Variants in CAPS2 observed in about 807,000 individuals in gnomAD.
The protein encoded by CAPS2 is calcyphosine 2.
In CAPS2, 98 loss-of-function variants were observed where a neutral mutation model predicts 86.5. The observed-to-expected ratio is 1.13, with a 90% CI of 0.96 to 1.34. The LOEUF (loss-of-function observed/expected upper bound fraction) is 1.34, where lower values mean the gene tolerates loss of function less well. Ranked by LOEUF, CAPS2 falls within the 40% of genes most tolerant of loss-of-function variation. CAPS2 has a pLI of 0.00. For synonymous variants in CAPS2, 210 were observed against 225.1 expected (o/e 0.93, Z 0.60); for missense variants, 729 against 686.8 (o/e 1.06, Z -0.69).
intron 1 of CAPS2, among the ~76,000 whole-genome samples, chr12:75,357,470 T>C (rs1274316032): frequency 6.6e-6 from 1 of 151,948 alleles, no homozygotes; most frequent in Non-Finnish European, 1.5e-5. Context: ...AGATAGAAAA[T>C]AAGTAGGGAT....
chr12:75,319,796 A>G lies in CAPS2; in HGVS notation c.468+1604T>C, dbSNP rs529095861. Among the ~76,000 whole-genome samples the G allele has an allele frequency of 3.1e-4, 47 of 152,268 alleles. 2 individuals carry two copies. The East Asian group carries it at 8.7e-3, about 28-fold the overall frequency. On this transcript the variant is annotated intron_variant, in intron 5 of 16. Transcript: ENST00000393284. ...CAATTTACATGTTGATCTCTGCTTT[A>G]AAGAGGGGCTTATATTTCTGATATC...
At chr12:75,279,852 C>G (rs2033594383) in intron 16 of CAPS2, among the ~76,000 whole-genome samples, 1 of 151,952 alleles carries the variant, frequency 6.6e-6, no homozygotes. Context: ...TATATGAAAA[C>G]ATAGATTTTG....
chr12:75,387,961 A>C (rs991553869), intron 1 of CAPS2, among the ~76,000 whole-genome samples: 1 of 152,248 alleles, frequency 6.6e-6, no homozygotes, highest in Non-Finnish European at 1.5e-5. Flanking sequence ...GTCTACACAG[A>C]AACCTGCACA....
chr12:75,276,032 T>A (rs1237212124), downstream of CAPS2: 1 of 553,896 alleles, frequency 1.8e-6, no homozygotes, highest in Non-Finnish European at 2.9e-6. Flanking sequence ...TCAGTTTACC[T>A]CAGAAGTTTA....
chr12:75,374,057 T>C (rs533950242), intron 1 of CAPS2: 1 of 152,368 alleles, frequency 6.6e-6, no homozygotes, highest in Admixed American at 6.5e-5. Flanking sequence ...AAAGTAGTTA[T>C]CTGCGGAAGA....
At chr12:75,298,462 G>A (rs1472602594) in intron 11 of CAPS2, 10 of 497,242 alleles carry the variant, frequency 2.0e-5, no homozygotes, top group Non-Finnish European at 3.2e-5. Context: ...GGGAAGGGGG[G>A]TGTTACAGAA....
chr12:75,306,081 G>A, intron 7 of CAPS2: 2 of 1,466,720 alleles, frequency 1.4e-6, no homozygotes, highest in South Asian at 1.2e-5. Context: ...GCGCGTCCTG[G>A]GGCTGCGGCC....
chr12:75,336,811 G>T (rs930644167), intron 1 of CAPS2, among the ~76,000 whole-genome samples: 1 of 151,622 alleles, frequency 6.6e-6, no homozygotes. Flanking sequence ...ATACCACACT[G>T]CAAAATACAA....
chr12:75,313,981 A>C (rs2039492103), intron 6 of CAPS2, among the ~76,000 whole-genome samples: 1 of 152,120 alleles, frequency 6.6e-6, no homozygotes, highest in Non-Finnish European at 1.5e-5. Context: ...GTGCAGTGGC[A>C]CTACCACAGC....
chr12:75,390,080 T>C (rs2045499558), intron 1 of CAPS2, among the ~76,000 whole-genome samples: 2 of 152,368 alleles, frequency 1.3e-5, no homozygotes, highest in African/African-American at 2.4e-5. Context: ...TCTCTCCCAA[T>C]GTCAATTTTC....
chr12:75,279,835 TCC>T (rs1161668670), intron 16 of CAPS2, among the ~76,000 whole-genome samples: 1 of 152,028 alleles, frequency 6.6e-6, no homozygotes, highest in Non-Finnish European at 1.5e-5. Flanking sequence ...TTAATCAAGA[TCC>T]AAACTATATG....
exon 17 of CAPS2, chr12:75,277,388 G>T: frequency 1.0e-6 from 1 of 976,500 alleles, no homozygotes; most frequent in Non-Finnish European, 1.2e-6. Flanking sequence ...AGAACAATTT[G>T]TAGGGTTTAA....
chr12:75,290,779 G>A lies in CAPS2; in HGVS notation c.1240+965C>T, dbSNP rs536596081. 1.7e-4 allele frequency among the ~76,000 whole-genome samples: 26 copies of A among 151,890 alleles called. No homozygotes were observed. The South Asian group carries it at 2.1e-3, about 12-fold the overall frequency. ...AAAACATAAAAAAAAAGATTTAGCCGGGTGTGGTGGCATGCACTTGTAGTC... is the reference window on the plus strand; with the variant it reads ...AAAACATAAAAAAAAAGATTTAGCCAGGTGTGGTGGCATGCACTTGTAGTC... On this transcript the variant is annotated intron_variant, in intron 13 of 16. Transcript: ENST00000393284.
intron 11 of CAPS2, among the ~76,000 whole-genome samples, chr12:75,297,569 C>G (rs2138484236): frequency 6.6e-6 from 1 of 152,256 alleles, no homozygotes; most frequent in South Asian, 2.1e-4. Context: ...CACATTGTAA[C>G]CAGACAGATC....
chr12:75,309,550 G>A (rs1433433769), intron 7 of CAPS2, among the ~76,000 whole-genome samples: 1 of 152,056 alleles, frequency 6.6e-6, no homozygotes, highest in Admixed American at 6.5e-5. Context: ...ATGATTAACT[G>A]GATAAAAGAA....
chr12:75,317,824 A>ATG (rs1222265453), intron 5 of CAPS2, among the ~76,000 whole-genome samples: 2 of 151,986 alleles, frequency 1.3e-5, no homozygotes, highest in Non-Finnish European at 2.9e-5. Flanking sequence ...GTCTGCGTAT[A>ATG]TGTGTGTGTG....
chr12:75,361,587 T>G (rs1035837316), intron 1 of CAPS2, among the ~76,000 whole-genome samples: 1 of 152,160 alleles, frequency 6.6e-6, no homozygotes, highest in African/African-American at 2.4e-5. Context: ...TGTAATTGAC[T>G]CATGGTTCCA....
intron 16 of CAPS2, 141 bp from the exon 17 acceptor site, chr12:75,279,206 A>G: frequency 3.9e-6 from 3 of 763,002 alleles, no homozygotes; most frequent in Non-Finnish European, 6.1e-6. Context: ...CAATTTATTT[A>G]CACATGAACT....
downstream of CAPS2, chr12:75,276,578 C>A (rs994894989): frequency 2.2e-5 from 21 of 974,292 alleles, no homozygotes; most frequent in Admixed American, 2.5e-4. Context: ...CTCCATCATG[C>A]AAATATGTAT....
Sources: allele counts gnomAD v4.1 joint callset (sites outside exome capture counted in the v4.1 genomes callset), GRCh38; gene constraint gnomAD v4.1.1; transcripts MANE v1.5; gene names NCBI Gene and HGNC (gene_info 2026-07-23, HGNC 2026-07-21).